Variants in MYO9A observed in about 807,000 individuals in gnomAD.
MYO9A encodes the protein unconventional myosin-IXa.
In MYO9A, 103 loss-of-function variants were observed where a neutral mutation model predicts 293.3. The ratio of observed to expected loss-of-function variants is 0.35; its 90% CI spans 0.30 to 0.41. The LOEUF is 0.41. MYO9A is among the 10% of genes least tolerant of loss of function. MYO9A has a pLI of 1.00. For missense variants in MYO9A, 2,685 were observed against 3,033.0 expected (o/e 0.89, Z 2.69); for synonymous variants, 1,001 against 1,035.7 (o/e 0.97, Z 0.64).
intron 3 of MYO9A, among the ~76,000 whole-genome samples, chr15:72,030,162 C>T (rs559716592): frequency 5.9e-5 from 9 of 152,272 alleles, no homozygotes; most frequent in African/African-American, 2.2e-4. Context: ...ATTACCATTG[C>T]CATTTCCAGT....
chr15:72,021,058 T>C, intron 4 of MYO9A, 41 bp from the exon 5 acceptor site: 3 of 1,309,210 alleles, frequency 2.3e-6, no homozygotes, highest in Non-Finnish European at 3.2e-6. Flanking sequence ...AATGTGTGAC[T>C]TATGGTTATC....
intron 31 of MYO9A, among the ~76,000 whole-genome samples, chr15:71,877,014 A>G (rs2056715117): frequency 6.6e-6 from 1 of 152,182 alleles, no homozygotes. Context: ...AAAACTTCAA[A>G]AATGGGATTG....
chr15:72,105,894 A>C (rs2080549739), intron 1 of MYO9A, among the ~76,000 whole-genome samples: 1 of 152,206 alleles, frequency 6.6e-6, no homozygotes, highest in South Asian at 2.1e-4. Flanking sequence ...CTTCAGAACC[A>C]AACTCACTGA....
rs2141356602 is a variant in MYO9A at position 71,852,168 on chromosome 15, T to C, written c.6439A>G (p.Thr2147Ala). 2 of 1,613,870 alleles carry C rather than the reference T, an allele frequency of 1.2e-6. No individual in the cohort carries two copies. Among genetic ancestry groups the C allele is most frequent in the East Asian group, 4.5e-5 (2 of 44,844 alleles). Reference sequence around the variant, plus strand: ...AGAAATTCCTCATAGAGTTCAAAGGTCATGAGAGGATTGGGCAAATCTCGA... The same window carrying C: ...AGAAATTCCTCATAGAGTTCAAAGGCCATGAGAGGATTGGGCAAATCTCGA... Reference protein sequence around the residue: ...WLRDLPNPLMTFELYEEFLRA... With the variant: ...WLRDLPNPLMAFELYEEFLRA... The change falls in exon 36 of 42, where the codon ACC becomes GCC. Residue 2147 changes from threonine to alanine, a missense_variant. Thr to Ala is a moderately conservative substitution (Grantham distance 58, BLOSUM62 0). Transcript: ENST00000356056.
At chr15:71,903,853 G>T (rs910814805) in intron 21 of MYO9A, 76 bp downstream of exon 21, 9 of 1,276,274 alleles carry the variant, frequency 7.1e-6, no homozygotes, top group Non-Finnish European at 8.9e-6. Flanking sequence ...AAGCCCCAAA[G>T]AAATAATAAG....
intron 1 of MYO9A, among the ~76,000 whole-genome samples, chr15:72,105,381 G>T (rs1367421970): frequency 6.6e-6 from 1 of 151,738 alleles, no homozygotes; most frequent in Non-Finnish European, 1.5e-5. Flanking sequence ...ACACCACAAT[G>T]CTTGGCTAGT....
Position 72,035,801 on chromosome 15 carries a change from G to T in MYO9A, c.841-3213C>A, listed in dbSNP as rs114774169. The stretch of plus-strand genomic sequence containing the variant: ...GCCAGGGTGACAGACTGAAACCCGG[G>T]CCTCAAAAAAATAAAAAACTTTACA... On this transcript the variant is annotated intron_variant, in intron 2 of 41. Transcript: ENST00000356056. Among the ~76,000 whole-genome samples the T allele has an allele frequency of 2.5e-3, 387 of 152,076 alleles. 3 individuals carry two copies. Among genetic ancestry groups the T allele is most frequent in the African/African-American group, 8.8e-3 (364 of 41,490 alleles).
At chr15:72,042,013 AG>A (rs750647173) in intron 2 of MYO9A, among the ~76,000 whole-genome samples, 25 of 143,118 alleles carry the variant, frequency 1.7e-4, no homozygotes, top group South Asian at 6.9e-4. Flanking sequence ...CAACACTGAC[AG>A]TAAAAAAAAA....
At chr15:71,956,851 AC>A (rs2059211347) in intron 14 of MYO9A, among the ~76,000 whole-genome samples, 4 of 94,608 alleles carry the variant, frequency 4.2e-5, no homozygotes, top group Admixed American at 2.7e-4. Context: ...ACACACACAC[AC>A]ACACACAAAT....
Position 71,933,713 on chromosome 15 carries a change from T to C in MYO9A, c.2523-4A>G, listed in dbSNP as rs780296343. The stretch of plus-strand genomic sequence containing the variant: ...GGATTTGAAATTTTTGTTTCTCCTA[T>C]AGAGATAAATCATTCATTAAAAAAA... On this transcript the variant is annotated splice_region_variant and splice_polypyrimidine_tract_variant and intron_variant, in intron 17 of 41. Coordinates refer to ENST00000356056, the MANE Select transcript of MYO9A (RefSeq NM_006901.4). 7.5e-6 allele frequency: 12 copies of C among 1,600,226 alleles called. No homozygotes were observed. In the South Asian group the frequency reaches 9.1e-5, roughly 12 times the overall value.
At chr15:72,072,881 C>T (rs1052860553) in intron 1 of MYO9A, among the ~76,000 whole-genome samples, 2 of 152,092 alleles carry the variant, frequency 1.3e-5, no homozygotes, top group African/African-American at 4.8e-5. Flanking sequence ...CGCACGTATA[C>T]ACCCTGAATC....
At chr15:72,074,949 GCC>G (rs1325944680) in intron 1 of MYO9A, among the ~76,000 whole-genome samples, 2 of 82,464 alleles carry the variant, frequency 2.4e-5, no homozygotes, top group East Asian at 4.7e-4. Flanking sequence ...CATTTTCACT[GCC>G]TTTTTTTTTT....
intron 15 of MYO9A, among the ~76,000 whole-genome samples, chr15:71,942,007 T>C (rs1160265943): frequency 1.3e-5 from 2 of 152,034 alleles, no homozygotes; most frequent in Admixed American, 6.6e-5. Flanking sequence ...TTGTTCACAA[T>C]AGCTCTAACA....
At chr15:71,928,227 G>A (rs1459678097) in intron 18 of MYO9A, among the ~76,000 whole-genome samples, 7 of 146,264 alleles carry the variant, frequency 4.8e-5, no homozygotes, top group African/African-American at 1.7e-4. Flanking sequence ...ACAGGCGCCC[G>A]CCACTACGCC....
In MYO9A at chr15:71,888,150, C is replaced by T. The variant is rs369531849; in HGVS notation, c.5143-34G>A. On this transcript the variant is annotated intron_variant, in intron 26 of 41. Coordinates refer to ENST00000356056, the MANE Select transcript of MYO9A (RefSeq NM_006901.4). ...ATTACATATGTGAAAGATTTAATGC[C>T]AAGTAAATATATGATAGCACTGTAA... 99 of 1,196,080 alleles carry T rather than the reference C, an allele frequency of 8.3e-5. No individual in the cohort carries two copies. In the East Asian group the frequency reaches 2.2e-3, roughly 26 times the overall value. 74.1% of individuals were successfully genotyped at this position (1,196,080 alleles called of 1,614,324 possible). A position where few individuals can be genotyped will look rare whatever the true frequency, so the allele number is the denominator to read the frequency against.
chr15:71,900,403 T>A (rs935144716), intron 23 of MYO9A, among the ~76,000 whole-genome samples: 2 of 150,592 alleles, frequency 1.3e-5, no homozygotes, highest in Non-Finnish European at 2.9e-5. Context: ...GCCACTGCAC[T>A]CCAGCCTGGG....
chr15:72,040,274 C>A (rs2078186976), intron 2 of MYO9A: 2 of 152,258 alleles, frequency 1.3e-5, no homozygotes, highest in Admixed American at 6.5e-5. Flanking sequence ...TATCCTTATT[C>A]TAATGGCACT....
chr15:71,986,013 GAA>G (rs796937619), intron 11 of MYO9A, among the ~76,000 whole-genome samples: 14 of 152,064 alleles, frequency 9.2e-5, no homozygotes, highest in African/African-American at 3.1e-4. Flanking sequence ...GTAAGGAAAA[GAA>G]AAAAGAGGGC....
intron 37 of MYO9A, among the ~76,000 whole-genome samples, chr15:71,850,897 G>A (rs868276328): frequency 4.7e-5 from 7 of 148,756 alleles, no homozygotes; most frequent in Non-Finnish European, 7.4e-5. Flanking sequence ...TACTCCTGAC[G>A]CCTCTTTGGT....
Sources: gnomAD v4.1 joint callset for allele counts (sites outside exome capture counted in the v4.1 genomes callset) on GRCh38, gnomAD v4.1.1 for gene constraint, MANE v1.5 for transcripts, NCBI Gene and HGNC (gene_info 2026-07-23, HGNC 2026-07-21) for gene names.